USP34: variants seen among roughly 807,000 people sequenced by gnomAD.
USP34 encodes ubiquitin carboxyl-terminal hydrolase 34.
USP34 carries 70 observed loss-of-function variants against 460.3 expected under a neutral mutation model. The observed-to-expected ratio is 0.15, with a 90% CI of 0.13 to 0.19. The LOEUF is 0.19. Ranked by LOEUF, USP34 falls within the 10% of genes least tolerant of loss-of-function variation. The pLI is 1.00. For synonymous variants in USP34, 1,647 were observed against 1,405.3 expected (o/e 1.17, Z -3.85); for missense variants, 3,985 against 4,236.2 (o/e 0.94, Z 1.65).
chr2:61,247,441 C>G (rs1467865977), intron 49 of USP34, among the ~76,000 whole-genome samples: 1 of 152,168 alleles, frequency 6.6e-6, no homozygotes, highest in African/African-American at 2.4e-5. Flanking sequence ...TTTATCCTGG[C>G]ATAAATTCTG....
At chr2:61,409,523 G>A (rs1044965507) in intron 2 of USP34, among the ~76,000 whole-genome samples, 6 of 152,092 alleles carry the variant, frequency 3.9e-5, no homozygotes, top group African/African-American at 1.4e-4. Context: ...AGACCAGCCT[G>A]GCCAACATCG....
intron 1 of USP34, among the ~76,000 whole-genome samples, chr2:61,459,646 A>G (rs898941805): frequency 6.6e-6 from 1 of 151,880 alleles, no homozygotes; most frequent in Non-Finnish European, 1.5e-5. Context: ...GCGTGGTGGC[A>G]GGCACCTGTA....
At position 61,205,997 on chromosome 2, in the gene USP34, G is replaced by A. The variant is rs1054794253; in HGVS notation, c.9154+20C>T. ...TCTTCCACTAGGTTTTTACACGGGTGAATTTTTCAAGTAACTTACCTATAC... is the reference window on the plus strand; with the variant it reads ...TCTTCCACTAGGTTTTTACACGGGTAAATTTTTCAAGTAACTTACCTATAC... On this transcript the variant is annotated intron_variant, in intron 72 of 79. Transcript: ENST00000398571. 6.3e-7 allele frequency: 1 copy of A among 1,576,296 alleles called. No individual in the cohort carries two copies. The highest frequency in any genetic ancestry group is 8.7e-7 in the Non-Finnish European group (1 of 1,146,738).
chr2:61,313,735 A>G (rs553158896), intron 25 of USP34, among the ~76,000 whole-genome samples: 1 of 152,264 alleles, frequency 6.6e-6, no homozygotes, highest in East Asian at 1.9e-4. Context: ...ATGAATTGCA[A>G]TCTTAAAGAA....
At chr2:61,277,582 G>T (rs1314607574) in intron 41 of USP34, 1 of 152,232 alleles carries the variant, frequency 6.6e-6, no homozygotes, top group Non-Finnish European at 1.5e-5. Context: ...ATTAACATCT[G>T]ATTTTGTATT....
chr2:61,231,816 A>AT (rs201386492), intron 58 of USP34, among the ~76,000 whole-genome samples: 1,433 of 101,960 alleles, frequency 0.014, 11 homozygotes, highest in Non-Finnish European at 0.02. Context: ...CCTCTAAAAA[A>AT]ATATATATAC....
intron 1 of USP34, among the ~76,000 whole-genome samples, chr2:61,470,007 T>C (rs1220319087): frequency 2.0e-5 from 3 of 152,224 alleles, no homozygotes; most frequent in African/African-American, 7.2e-5. Flanking sequence ...CTTAACAGAA[T>C]GTACCATTAA....
At chr2:61,360,186 T>G (rs1692232691) in intron 10 of USP34, among the ~76,000 whole-genome samples, 2 of 152,214 alleles carry the variant, frequency 1.3e-5, no homozygotes, top group South Asian at 4.2e-4. Flanking sequence ...CTATTCAATT[T>G]AATACTGAAA....
chr2:61,456,140 C>A (rs1041873890), intron 1 of USP34, among the ~76,000 whole-genome samples: 1 of 152,190 alleles, frequency 6.6e-6, no homozygotes, highest in African/African-American at 2.4e-5. Flanking sequence ...AGGTGAAACA[C>A]AACTCAGTAA....
At position 61,386,719 on chromosome 2, in the gene USP34, G is replaced by A. The variant is rs1203211125; in HGVS notation, c.754-3383C>T. ...GCAGGAGAATCGCTTGAACCCAGGA[G>A]GTGGATGTTGCAGTGAGCTGAGATC... On this transcript the variant is annotated intron_variant, in intron 5 of 79. Transcript: ENST00000398571. 2.0e-5 allele frequency among the ~76,000 whole-genome samples: 3 copies of A among 152,284 alleles called. No individual in the cohort carries two copies. In the East Asian group the frequency reaches 5.8e-4, roughly 29 times the overall value.
chr2:61,364,111 C>A (rs967961371), intron 10 of USP34, among the ~76,000 whole-genome samples: 1 of 152,218 alleles, frequency 6.6e-6, no homozygotes, highest in Non-Finnish European at 1.5e-5. Context: ...CATGGTGGCT[C>A]ACACCTAAAA....
chr2:61,300,617 G>A (rs1395680947), intron 29 of USP34, among the ~76,000 whole-genome samples: 2 of 151,504 alleles, frequency 1.3e-5, no homozygotes, highest in Non-Finnish European at 2.9e-5. Context: ...CCAACACAGT[G>A]AAACCCCATC....
chr2:61,330,355 A>G (rs2103727886), intron 20 of USP34, among the ~76,000 whole-genome samples: 1 of 152,222 alleles, frequency 6.6e-6, no homozygotes, highest in East Asian at 1.9e-4. Flanking sequence ...GAGTACAAAA[A>G]TGCCTCAAGT....
intron 16 of USP34, 34 bp from the exon 17 acceptor site, chr2:61,339,715 G>C (rs748284618): frequency 8.5e-7 from 1 of 1,177,598 alleles, no homozygotes; most frequent in East Asian, 2.7e-5. Flanking sequence ...ACACACTATA[G>C]AGAAATGCAG....
intron 1 of USP34, among the ~76,000 whole-genome samples, chr2:61,460,939 G>A (rs1040802903): frequency 3.5e-5 from 5 of 144,854 alleles, no homozygotes; most frequent in African/African-American, 7.7e-5. Context: ...CCAAGATCGC[G>A]CCACTGCACT....
At chr2:61,235,050 GCA>G (rs1005172251) in intron 57 of USP34, among the ~76,000 whole-genome samples, 12 of 152,224 alleles carry the variant, frequency 7.9e-5, no homozygotes, top group African/African-American at 2.4e-4. Flanking sequence ...AAAAAATTTT[GCA>G]CAGTTTACTT....
intron 41 of USP34, among the ~76,000 whole-genome samples, chr2:61,272,576 C>T (rs1013794090): frequency 1.3e-5 from 2 of 152,142 alleles, no homozygotes; most frequent in Non-Finnish European, 2.9e-5. Context: ...AACTTCCTAA[C>T]TGGATCCCTT....
chr2:61,444,413 A>C (rs192768320), intron 1 of USP34, among the ~76,000 whole-genome samples: 12 of 152,340 alleles, frequency 7.9e-5, no homozygotes, highest in Admixed American at 7.2e-4. Flanking sequence ...ATGAAGACAC[A>C]AAAGCCAAAA....
chr2:61,222,462 G>A (rs868397613), intron 65 of USP34, among the ~76,000 whole-genome samples, 157 bp downstream of exon 65: 1 of 152,126 alleles, frequency 6.6e-6, no homozygotes, highest in Non-Finnish European at 1.5e-5. Context: ...GACATGATTA[G>A]TAGTTCATTT....
Sources: allele counts gnomAD v4.1 joint callset (sites outside exome capture counted in the v4.1 genomes callset), GRCh38; gene constraint gnomAD v4.1.1; transcripts MANE v1.5; gene names NCBI Gene and HGNC (gene_info 2026-07-23, HGNC 2026-07-21).